The following ASAP1 variants were observed in gnomAD, a reference collection of about 807,000 sequenced individuals.
ASAP1 encodes arf-GAP with SH3 domain, ANK repeat and PH domain-containing protein 1.
A neutral mutation model predicts 145.2 loss-of-function variants in ASAP1; 43 were observed. That is an observed-to-expected ratio of 0.30 (90% CI 0.23 to 0.38). The LOEUF is 0.38. Among genes scored for constraint, ASAP1 ranks in the 10% least tolerant of loss-of-function variants. The pLI, the probability that ASAP1 is intolerant of heterozygous loss-of-function variation, is 1.00. For synonymous variants in ASAP1, 546 were observed against 515.5 expected, an observed-to-expected ratio of 1.06 and a Z score of -0.80; for missense variants, 1,018 against 1,355.3, an observed-to-expected ratio of 0.75 and a Z score of 3.91.
chr8:130,163,743 G>C (rs1448328530), intron 11 of ASAP1, among the ~76,000 whole-genome samples: 1 of 152,166 alleles, frequency 6.6e-6, no homozygotes, highest in African/African-American at 2.4e-5. Context: ...AATAGGTTCT[G>C]AATCCTTTGA....
At chr8:130,138,565 G>A (rs924427742) in intron 13 of ASAP1, among the ~76,000 whole-genome samples, 2 of 152,180 alleles carry the variant, frequency 1.3e-5, no homozygotes, top group African/African-American at 4.8e-5. Context: ...AGCCAGACGA[G>A]GTGGCTCATG....
At chr8:130,411,098 G>A (rs1480942879) in intron 1 of ASAP1, among the ~76,000 whole-genome samples, 1 of 152,174 alleles carries the variant, frequency 6.6e-6, no homozygotes, top group Admixed American at 6.5e-5. Context: ...CTGACCTCAG[G>A]TGATCCACCC....
chr8:130,182,530 G>A (rs910821084), intron 7 of ASAP1, among the ~76,000 whole-genome samples: 1 of 152,138 alleles, frequency 6.6e-6, no homozygotes, highest in African/African-American at 2.4e-5. Context: ...TAAAAGAGCT[G>A]CCTTCACATC....
At chr8:130,388,883 T>C (rs1033021630) in intron 2 of ASAP1, among the ~76,000 whole-genome samples, 1 of 152,238 alleles carries the variant, frequency 6.6e-6, no homozygotes, top group Non-Finnish European at 1.5e-5. Context: ...AAGTGAAAAC[T>C]GCAGGCTCCA....
At chr8:130,283,191 G>C (rs1206500783) in intron 3 of ASAP1, among the ~76,000 whole-genome samples, 1 of 152,178 alleles carries the variant, frequency 6.6e-6, no homozygotes, top group Non-Finnish European at 1.5e-5. Flanking sequence ...ACACCAGCTG[G>C]AAAAGTAAGG....
chr8:130,115,100 G>C (rs1487326178), intron 23 of ASAP1, among the ~76,000 whole-genome samples: 2 of 152,150 alleles, frequency 1.3e-5, no homozygotes, highest in African/African-American at 4.8e-5. Flanking sequence ...CAGTGTCCTG[G>C]TGTTTGGTCA....
At chr8:130,121,384 G>A (rs142595156) in intron 18 of ASAP1, among the ~76,000 whole-genome samples, 14 of 152,248 alleles carry the variant, frequency 9.2e-5, no homozygotes, top group South Asian at 4.2e-4. Flanking sequence ...TACCCACTGG[G>A]TGACAGTAGC....
chr8:130,232,634 A>C (rs1817974189), intron 4 of ASAP1, among the ~76,000 whole-genome samples: 1 of 152,014 alleles, frequency 6.6e-6, no homozygotes, highest in African/African-American at 2.4e-5. Context: ...AAAAAAAAAA[A>C]ACCAAAAAAC....
intron 13 of ASAP1, among the ~76,000 whole-genome samples, chr8:130,140,311 G>A (rs1226974702): frequency 6.6e-6 from 1 of 151,652 alleles, no homozygotes; most frequent in Non-Finnish European, 1.5e-5. Context: ...TTATAGGCGT[G>A]AGGCACCATG....
At chr8:130,298,138 A>G (rs936758889) in intron 3 of ASAP1, among the ~76,000 whole-genome samples, 1 of 152,190 alleles carries the variant, frequency 6.6e-6, no homozygotes, top group Non-Finnish European at 1.5e-5. Context: ...ATAAATGACA[A>G]ATAGCTAGTT....
intron 24 of ASAP1, among the ~76,000 whole-genome samples, chr8:130,107,434 C>T (rs557466774): frequency 6.6e-6 from 1 of 151,710 alleles, no homozygotes; most frequent in African/African-American, 2.4e-5. Flanking sequence ...ATCCGCCCGC[C>T]TCAGCCTCCC....
chr8:130,267,483 T>C (rs185132284), intron 3 of ASAP1, among the ~76,000 whole-genome samples: 124 of 152,284 alleles, frequency 8.1e-4, no homozygotes, highest in African/African-American at 2.8e-3. Context: ...AAGAATATGA[T>C]GATGATTTTA....
intron 3 of ASAP1, among the ~76,000 whole-genome samples, chr8:130,345,703 T>C (rs991047658): frequency 3.9e-5 from 6 of 152,170 alleles, no homozygotes; most frequent in Non-Finnish European, 1.5e-5. Context: ...GGCTCATGCC[T>C]ATAATCCCAC....
At chr8:130,072,825 G>GTGTGTGCGTGTGCGCGCGCGCGCGCA in intron 27 of ASAP1, among the ~76,000 whole-genome samples, 1,140 of 54,068 alleles carry the variant, frequency 0.021, 74 homozygotes, top group African/African-American at 0.054. Flanking sequence ...GTGTGTGTGT[G>GTGTGTGCGTGTGCGCGCGCGCGCGCA]CGCGCGGGGG....
intron 3 of ASAP1, among the ~76,000 whole-genome samples, chr8:130,327,182 G>C (rs1450906561): frequency 6.7e-6 from 1 of 149,884 alleles, no homozygotes; most frequent in Non-Finnish European, 1.5e-5. Flanking sequence ...GTTCCTCTAA[G>C]AGTTGTCCTT....
chr8:130,259,058 T>C (rs1158182558), intron 3 of ASAP1, among the ~76,000 whole-genome samples: 1 of 152,020 alleles, frequency 6.6e-6, no homozygotes, highest in Non-Finnish European at 1.5e-5. Context: ...AAGAGAACTC[T>C]TTAAAGAAAA....
In ASAP1 at chr8:130,081,414, C is replaced by G. The variant is rs954104991; in HGVS notation, c.2573-1443G>C. On this transcript the variant is annotated intron_variant, in intron 25 of 29. Coordinates refer to ENST00000518721, the MANE Select transcript of ASAP1 (RefSeq NM_018482.4). ...GCATGGGCACCCTGTCTCTGGGGCT[C>G]TAGTTCATTTCCTTGTCCTTTCTTC... Among the ~76,000 whole-genome samples, 8 of 152,272 alleles carry G rather than the reference C, an allele frequency of 5.3e-5. No individual in the cohort carries two copies. In the East Asian group the frequency reaches 5.8e-4, roughly 11 times the overall value.
intron 3 of ASAP1, among the ~76,000 whole-genome samples, chr8:130,258,180 A>G (rs1257376489): frequency 6.6e-5 from 10 of 152,154 alleles, no homozygotes; most frequent in Admixed American, 6.5e-4. Context: ...ACCTGGCCCC[A>G]GCTCCATAAT....
At chr8:130,408,364 A>AT (rs986044483) in intron 1 of ASAP1, among the ~76,000 whole-genome samples, 4 of 152,204 alleles carry the variant, frequency 2.6e-5, no homozygotes, top group African/African-American at 9.6e-5. Context: ...AAGGCATAAT[A>AT]TTAATAGAAC....
Sources: gnomAD v4.1 joint callset for allele counts (sites outside exome capture counted in the v4.1 genomes callset) on GRCh38, gnomAD v4.1.1 for gene constraint, MANE v1.5 for transcripts, NCBI Gene and HGNC (gene_info 2026-07-23, HGNC 2026-07-21) for gene names.